The following MED12 variants were observed in gnomAD, a reference collection of about 807,000 sequenced individuals.
The protein encoded by MED12 is mediator of RNA polymerase II transcription subunit 12.
In MED12, 10 loss-of-function variants were observed where a neutral mutation model predicts 177.7. The observed-to-expected ratio is 0.06, with a 90% CI of 0.03 to 0.10. MED12 has a LOEUF of 0.10. Ranked by LOEUF, MED12 falls within the 10% of genes least tolerant of loss-of-function variation. MED12 has a pLI of 1.00. For missense variants in MED12, 867 were observed against 1,780.8 expected (o/e 0.49, Z 9.23); for synonymous variants, 641 against 678.4 (o/e 0.94, Z 0.86).
rs1163933959 is a variant in MED12 at position 71,124,993 on chromosome X, G to T, written c.2073G>T (p.Met691Ile). ...TCTCTCAGTTGTTCTCCCCTACTAT[G>T]CCCTGTGAGGGGAAGGGCAGTCCAT... ...KPDFSLFSPT[M>I]PCEGKGSPSP... The change falls in exon 15 of 45, where the codon ATG (methionine) becomes ATT (isoleucine). Residue 691 changes from methionine (M) to isoleucine (I), a missense_variant. By Grantham distance (10) the Met-to-Ile change is conservative (BLOSUM62 1). Coordinates refer to ENST00000374080, the MANE Select transcript of MED12 (RefSeq NM_005120.3). The T allele has an allele frequency of 9.1e-6, 11 of 1,210,448 alleles. No homozygotes were observed. The highest frequency in any genetic ancestry group is 1.2e-5 in the Non-Finnish European group (11 of 895,186).
At position 71,134,359 on chromosome X, in the gene MED12, G is replaced by A. The variant is rs756385578; in HGVS notation, c.4620G>A (p.Val1540=). The part of the protein sequence containing the change: ...HEALKLRLNL[V]GGMFDTVQRS... ...CTGACTTGTTGTGGCCCTGGCAGGTGGGGGGCATGTTTGACACGGTGCAGC... is the reference window on the plus strand; with the variant it reads ...CTGACTTGTTGTGGCCCTGGCAGGTAGGGGGCATGTTTGACACGGTGCAGC... The change falls in exon 34 of 45, where the codon GTG becomes GTA. Residue 1540 remains valine, a splice_region_variant and synonymous_variant. Transcript: ENST00000374080. 4.4e-6 allele frequency: 5 copies of A among 1,133,411 alleles called. No individual in the cohort carries two copies. In the South Asian group the frequency reaches 7.7e-5, roughly 17 times the overall value. The allele number at this position is 1,133,411 out of a possible 1,213,427, so 93.4% of individuals were successfully genotyped here.
At chrX:71,138,596 C>T (rs191201302) in intron 41 of MED12, among the ~76,000 whole-genome samples, 48 of 109,482 alleles carry the variant, frequency 4.4e-4, no homozygotes, top group African/African-American at 1.5e-3. Flanking sequence ...TTTAATTAGA[C>T]AGGCGTGTTG....
intron 44 of MED12, 48 bp from the exon 45 acceptor site, chrX:71,142,127 A>C: frequency 8.5e-7 from 1 of 1,181,284 alleles, no homozygotes; most frequent in Non-Finnish European, 1.2e-6. Flanking sequence ...GTGCATACCC[A>C]CACCCCTGCC....
chrX:71,134,680 T>C, intron 34 of MED12, 33 bp from the exon 35 acceptor site: 5 of 1,208,213 alleles, frequency 4.1e-6, no homozygotes, highest in Non-Finnish European at 4.5e-6. Flanking sequence ...CACCTCTTTC[T>C]TCTTTGGTTT....
intron 35 of MED12, 116 bp from the exon 36 acceptor site, chrX:71,134,976 G>T: frequency 8.7e-7 from 1 of 1,154,493 alleles, no homozygotes; most frequent in African/African-American, 1.8e-5. Context: ...TACTCATGCC[G>T]TGAGCATTTA....
intron 1 of MED12, 118 bp downstream of exon 1, chrX:71,118,971 G>A: frequency 1.7e-6 from 1 of 595,202 alleles, no homozygotes; most frequent in Non-Finnish European, 2.7e-6. Context: ...GTCCCGAAAG[G>A]GGGAAGAGTA....
At position 71,142,057 on chromosome X, in the gene MED12, G is replaced by C. The variant is rs1157970592; in HGVS notation, c.6490+93G>C. 17 of 1,107,310 alleles carry C rather than the reference G, an allele frequency of 1.5e-5. No homozygotes were observed. In the East Asian group the frequency reaches 5.1e-4, roughly 33 times the overall value. 91.3% of individuals were successfully genotyped at this position (1,107,310 alleles called of 1,213,427 possible). On this transcript the variant is annotated intron_variant, in intron 44 of 44. Transcript: ENST00000374080. ...AGCTGAAACGATAGCTTCAGGCCCA[G>C]GTTATGAGAGGAGGCATTCCATTCC...
chrX:71,139,793 G>A (rs2092341963), intron 41 of MED12, among the ~76,000 whole-genome samples: 1 of 110,092 alleles, frequency 9.1e-6, no homozygotes, highest in Non-Finnish European at 1.9e-5. Flanking sequence ...CAGCTACTTG[G>A]GGGGCTGAGG....
In MED12 at chrX:71,142,447, C is replaced by T. The variant is rs1385207450; in HGVS notation, c.*229C>T. 2 of 424,179 alleles carry T rather than the reference C, an allele frequency of 4.7e-6. No individual in the cohort carries two copies. Among genetic ancestry groups the T allele is most frequent in the African/African-American group, 5.0e-5 (2 of 40,353 alleles). 35.0% of individuals were successfully genotyped at this position (424,179 alleles called of 1,213,427 possible). A position where few individuals can be genotyped will look rare whatever the true frequency, so the allele number is the denominator to read the frequency against. On this transcript the variant is annotated 3_prime_UTR_variant, in exon 45 of 45. Transcript: ENST00000374080. ...GCACCCAATACACAGAGCTTCTTTG[C>T]AAAGGGAGTGTGCGAGTTCTGCATG... is the stretch of plus-strand genomic sequence containing the variant.
At chrX:71,139,165 C>T (rs2092340279) in intron 41 of MED12, among the ~76,000 whole-genome samples, 1 of 112,144 alleles carries the variant, frequency 8.9e-6, no homozygotes, top group South Asian at 3.7e-4. Context: ...ATCAGGTATG[C>T]AGTTGTATGC....
chrX:71,136,910 C>A lies in MED12; in HGVS notation c.5432C>A (p.Pro1811His), dbSNP rs2092334102. 1 of 1,208,876 alleles carries A rather than the reference C, an allele frequency of 8.3e-7. No homozygotes were observed. The highest frequency in any genetic ancestry group is 1.1e-6 in the Non-Finnish European group (1 of 895,059). The change falls in exon 38 of 45, where the codon CCT becomes CAT. Residue 1811 changes from proline (P) to histidine (H), a missense_variant. Pro to His is a moderately conservative substitution (Grantham distance 77). Transcript: ENST00000374080. ...DYGMGPGRSG[P>H]YGVTVPPDLL... ...GGAATGGGCCCGGGTCGGAGCGGCC[C>A]TTATGGTGTGACAGTGCCTCCGGAC...
chrX:71,135,232 C>T lies in MED12; in HGVS notation c.5004C>T (p.Phe1668=), dbSNP rs370610104. ...CCAAGGGCAACAAGATTGCTGGCTT[C>T]GATTCCATCTTCAAGAAGGAGGCAT... is the stretch of plus-strand genomic sequence containing the variant. The part of the protein sequence containing the change: ...IDTKGNKIAG[F]DSIFKKEGLQ... The change falls in exon 36 of 45, where the codon TTC becomes TTT. Residue 1668 remains phenylalanine, a synonymous_variant. Coordinates refer to ENST00000374080, the MANE Select transcript of MED12 (RefSeq NM_005120.3). The T allele has an allele frequency of 4.1e-6, 5 of 1,211,727 alleles. No homozygotes were observed. The highest frequency in any genetic ancestry group is 1.8e-5 in the South Asian group (1 of 56,998).
chrX:71,129,681 G>T lies in MED12; in HGVS notation c.3693G>T (p.Gly1231=), dbSNP rs965896553. The T allele has an allele frequency of 2.5e-6, 3 of 1,181,339 alleles. No individual in the cohort carries two copies. Among genetic ancestry groups the T allele is most frequent in the African/African-American group, 3.6e-5 (2 of 56,315 alleles). ...FAVLKAVFVL[G]DAELKGSGFT... is the part of the protein sequence containing the mutation. The stretch of plus-strand genomic sequence containing the variant: ...CTATCTCCCACCCGTGAACCACAGG[G>T]GATGCGGAACTGAAAGGTTCAGGCT... The change falls in exon 27 of 45, where the codon GGG becomes GGT. Residue 1231 remains glycine, a splice_region_variant and synonymous_variant. Transcript: ENST00000374080.
Position 71,136,955 on chromosome X carries a change from C to G in MED12, c.5477C>G (p.Pro1826Arg). ...VPPDLLHHPN[P>R]GSITHLNYRQ... Reference sequence around the variant, plus strand: ...CCGGACCTCCTGCACCACCCAAACCCTGGTTCTATAACACACCTTAACTAC... The same window carrying G: ...CCGGACCTCCTGCACCACCCAAACCGTGGTTCTATAACACACCTTAACTAC... The change falls in exon 38 of 45, where the codon CCT (proline) becomes CGT (arginine). Residue 1826 changes from proline to arginine, a missense_variant. By Grantham distance (103) the Pro-to-Arg change is moderately radical. Coordinates refer to ENST00000374080, the MANE Select transcript of MED12 (RefSeq NM_005120.3). 8.3e-7 allele frequency: 1 copy of G among 1,210,070 alleles called. No individual in the cohort carries two copies. Among genetic ancestry groups the G allele is most frequent in the Non-Finnish European group, 1.1e-6 (1 of 895,214 alleles).
chrX:71,126,292 T>A, intron 18 of MED12, 49 bp from the exon 19 acceptor site: 1 of 1,206,278 alleles, frequency 8.3e-7, no homozygotes, highest in Non-Finnish European at 1.1e-6. Flanking sequence ...CCTCCTTCCC[T>A]GGTTCTTTCC....
intron 26 of MED12, 70 bp from the exon 27 acceptor site, chrX:71,129,610 G>A (rs1201718707): frequency 1.5e-5 from 17 of 1,137,109 alleles, no homozygotes; most frequent in Non-Finnish European, 2.0e-5. Flanking sequence ...ACCTCTGTGG[G>A]CCCAGGGTGG....
rs2092284036 is a variant in MED12, at chrX:71,119,469, C to A, written c.196C>A (p.Pro66Thr). ...HGSAKNVSFN[P>T]AKISSNFSSI... Reference sequence around the variant, plus strand: ...CAGTGCCAAGAACGTCAGCTTCAATCCTGCCAAGGTGAGACAACTCTGCCA... The same window carrying A: ...CAGTGCCAAGAACGTCAGCTTCAATACTGCCAAGGTGAGACAACTCTGCCA... The change falls in exon 2 of 45, where the codon CCT becomes ACT. Residue 66 changes from proline (P) to threonine (T), a missense_variant. Transcript: ENST00000374080. 1 of 1,188,213 alleles carries A rather than the reference C, an allele frequency of 8.4e-7. No individual in the cohort carries two copies. Among genetic ancestry groups the A allele is most frequent in the Non-Finnish European group, 1.1e-6 (1 of 881,240 alleles).
At chrX:71,141,204 C>T in intron 42 of MED12, 26 bp from the exon 43 acceptor site, 1 of 1,161,450 alleles carries the variant, frequency 8.6e-7, no homozygotes, top group Non-Finnish European at 1.1e-6. Flanking sequence ...TCTGCTCCTT[C>T]TGAAGTATCT....
Position 71,118,616 on chromosome X carries a change from A to G in MED12, c.-139A>G. 1 of 536,449 alleles carries G rather than the reference A, an allele frequency of 1.9e-6. No individual in the cohort carries two copies. Among genetic ancestry groups the G allele is most frequent in the Admixed American group, 2.7e-5 (1 of 36,587 alleles). The allele number at this position is 536,449 out of a possible 1,213,427, so 44.2% of individuals were successfully genotyped here. A position where few individuals can be genotyped will look rare whatever the true frequency, so the allele number is the denominator to read the frequency against. ...TCGGTAGTTTCCGGCAATGGTCGAG[A>G]GTTTCTAACGTGCCCCCTTGTTGTC... On this transcript the variant is annotated 5_prime_UTR_variant, in exon 1 of 45. Coordinates refer to ENST00000374080, the MANE Select transcript of MED12 (RefSeq NM_005120.3).
Sources: gnomAD v4.1 joint callset for allele counts (sites outside exome capture counted in the v4.1 genomes callset) on GRCh38, gnomAD v4.1.1 for gene constraint, MANE v1.5 for transcripts, NCBI Gene and HGNC (gene_info 2026-07-23, HGNC 2026-07-21) for gene names.